TGFBI: variants seen among roughly 807,000 people sequenced by gnomAD.
The protein encoded by TGFBI is transforming growth factor-beta-induced protein ig-h3.
TGFBI carries 50 observed loss-of-function variants against 73.7 expected under a neutral mutation model. The observed-to-expected ratio is 0.68, with a 90% CI of 0.54 to 0.86. The LOEUF (loss-of-function observed/expected upper bound fraction) is 0.86, where lower values mean the gene tolerates loss of function less well. Among genes scored for constraint, TGFBI ranks in the 40% least tolerant of loss-of-function variants. TGFBI has a pLI of 0.00. For missense variants in TGFBI, 839 were observed against 877.0 expected (o/e 0.96, Z 0.55); for synonymous variants, 362 against 360.5 (o/e 1.00, Z -0.05).
chr5:136,063,164 G>A (rs369133692), intron 16 of TGFBI, 22 bp from the exon 17 acceptor site: 42 of 1,611,938 alleles, frequency 2.6e-5, no homozygotes, highest in African/African-American at 1.7e-4. Context: ...CCTATTTGAC[G>A]TTACCAACTT....
chr5:136,029,188 G>C lies in TGFBI; in HGVS notation c.133G>C (p.Gly45Arg). 2 of 1,492,792 alleles carry C rather than the reference G, an allele frequency of 1.3e-6. No individual in the cohort carries two copies. The highest frequency in any genetic ancestry group is 1.8e-6 in the Non-Finnish European group (2 of 1,126,324). 92.5% of individuals were successfully genotyped at this position (1,492,792 alleles called of 1,614,324 possible). Residue 45 changes from glycine to arginine, a missense_variant and splice_region_variant, in exon 1 of 17, where the codon GGC becomes CGC. Physicochemically the swap from Gly to Arg is moderately radical, Grantham distance 125. Transcript: ENST00000442011. ...CAGCAGGCTCCGGGGCCGCCAGCAC[G>C]GGTAAGCCGAGCCGCCTGGCCAGGG... ...QHSRLRGRQHGPNVCAVQKVI... is the reference protein window; with the variant it reads ...QHSRLRGRQHRPNVCAVQKVI...
At chr5:136,029,334 C>T (rs776226978) in intron 1 of TGFBI, 145 bp downstream of exon 1, 18 of 958,736 alleles carry the variant, frequency 1.9e-5, no homozygotes, top group Non-Finnish European at 5.7e-6. Flanking sequence ...GCTCGGACAC[C>T]AGCCCTGCAC....
chr5:136,061,549 G>GATCTTCAAAC lies in TGFBI; in HGVS notation c.1958_1967dup (p.Gln656HisfsTer34). The GATCTTCAAAC allele has an allele frequency of 1.2e-6, 2 of 1,613,174 alleles. No homozygotes were observed. Among genetic ancestry groups the GATCTTCAAAC allele is most frequent in the South Asian group, 2.2e-5 (2 of 90,712 alleles). On this transcript the variant is annotated frameshift_variant, in exon 15 of 17. Transcript: ENST00000442011. LOFTEE classifies it high-confidence loss of function. ...ATGAACTTGCAGACTCTGCGCTTGAGATCTTCAAACAAGCATCAGCGTTTT... is the reference window on the plus strand; with the variant it reads ...ATGAACTTGCAGACTCTGCGCTTGAGATCTTCAAACATCTTCAAACAAGCATCAGCGTTTT...
chr5:136,046,232 C>G, intron 3 of TGFBI, 103 bp from the exon 4 acceptor site: 1 of 1,410,864 alleles, frequency 7.1e-7, no homozygotes, highest in Non-Finnish European at 9.7e-7. Flanking sequence ...GCCTCCTCGT[C>G]CTCTCCACCT....
chr5:136,049,252 A>G (rs1580716103), intron 6 of TGFBI, 187 bp from the exon 7 acceptor site: 2 of 634,952 alleles, frequency 3.1e-6, no homozygotes, highest in Non-Finnish European at 5.2e-6. Flanking sequence ...GGCTGGCTGG[A>G]GCTCAGGCCC....
At chr5:136,052,197 G>A (rs1053202938) in intron 7 of TGFBI, among the ~76,000 whole-genome samples, 4 of 152,224 alleles carry the variant, frequency 2.6e-5, no homozygotes, top group Non-Finnish European at 5.9e-5. Flanking sequence ...CCTCAGCCCT[G>A]CCCTGCCCCC....
rs769820632 is a variant in TGFBI at position 136,053,042 on chromosome 5, C to T, written c.1049C>T (p.Ala350Val). ...SGDMLTINGKAIISNKDILAT... is the reference protein window; with the variant it reads ...SGDMLTINGKVIISNKDILAT... Reference sequence around the variant, plus strand: ...GACATGCTCACTATCAACGGGAAGGCGATCATCTCCAATAAAGACATCCTA... The same window carrying T: ...GACATGCTCACTATCAACGGGAAGGTGATCATCTCCAATAAAGACATCCTA... Residue 350 changes from alanine (A) to valine (V), a missense_variant, in exon 8 of 17, where the codon GCG becomes GTG. By Grantham distance (64) the Ala-to-Val change is moderately conservative (BLOSUM62 0). Coordinates refer to ENST00000442011, the MANE Select transcript of TGFBI (RefSeq NM_000358.3). 4.5e-5 allele frequency: 72 copies of T among 1,613,930 alleles called. No individual in the cohort carries two copies. The highest frequency in any genetic ancestry group is 1.6e-4 in the Middle Eastern group (1 of 6,084).
At chr5:136,061,719 C>T in intron 15 of TGFBI, 140 bp downstream of exon 15, 1 of 724,062 alleles carries the variant, frequency 1.4e-6, no homozygotes. Flanking sequence ...CCCACTGAGG[C>T]ATCCTCAGCC....
chr5:136,050,839 G>C (rs187566032), intron 7 of TGFBI, among the ~76,000 whole-genome samples: 1 of 152,202 alleles, frequency 6.6e-6, no homozygotes, highest in Non-Finnish European at 1.5e-5. Context: ...GATTTGTTCC[G>C]TGTCCAGGTG....
chr5:136,029,381 T>C (rs936374001), intron 1 of TGFBI, among the ~76,000 whole-genome samples, 192 bp downstream of exon 1: 4 of 152,032 alleles, frequency 2.6e-5, no homozygotes, highest in South Asian at 4.2e-4. Context: ...TGGAGGACCA[T>C]GGAGGGAAAG....
chr5:136,060,920 T>C lies in TGFBI; in HGVS notation c.1890T>C (p.Asn630=), dbSNP rs757617851. Residue 630 remains asparagine (N), a synonymous_variant, in exon 14 of 17, where the codon AAT becomes AAC. Coordinates refer to ENST00000442011, the MANE Select transcript of TGFBI (RefSeq NM_000358.3). The part of the protein sequence containing the change: ...ATNGVVHVIT[N]VLQPPANRPQ... ...ATGGCGTGGTCCATGTCATCACCAA[T>C]GTTCTGCAGCCTCCAGGTAAGTGTC... 2.1e-5 allele frequency: 33 copies of C among 1,578,138 alleles called. No homozygotes were observed. In the African/African-American group the frequency reaches 4.3e-4, roughly 21 times the overall value.
chr5:136,046,094 A>C (rs1239529377), intron 3 of TGFBI: 1 of 433,806 alleles, frequency 2.3e-6, no homozygotes, highest in East Asian at 3.7e-5. Context: ...TGCTGTGTTT[A>C]AAATGATTAA....
chr5:136,052,745 C>T (rs1290063307), intron 7 of TGFBI, among the ~76,000 whole-genome samples, 162 bp from the exon 8 acceptor site: 1 of 152,210 alleles, frequency 6.6e-6, no homozygotes, highest in Non-Finnish European at 1.5e-5. Context: ...TCTAGGGCAG[C>T]AGGCAGAAGG....
At chr5:136,043,253 T>G (rs1751370848) in intron 2 of TGFBI, among the ~76,000 whole-genome samples, 2 of 152,208 alleles carry the variant, frequency 1.3e-5, no homozygotes, top group South Asian at 4.1e-4. Context: ...CTTGCAATAT[T>G]ATTTGAAATT....
chr5:136,034,737 T>C (rs1751185619), intron 2 of TGFBI, among the ~76,000 whole-genome samples: 2 of 152,088 alleles, frequency 1.3e-5, no homozygotes, highest in South Asian at 4.1e-4. Flanking sequence ...ACCTAATCTG[T>C]TTTGGCACTG....
chr5:136,046,288 G>T, intron 3 of TGFBI, 47 bp from the exon 4 acceptor site: 1 of 1,610,004 alleles, frequency 6.2e-7, no homozygotes, highest in Non-Finnish European at 8.5e-7. Flanking sequence ...GTGTGGTTGG[G>T]CTGGACCCCC....
At chr5:136,062,729 G>C in intron 16 of TGFBI, 42 bp downstream of exon 16, 1 of 1,556,230 alleles carries the variant, frequency 6.4e-7, no homozygotes, top group South Asian at 1.2e-5. Context: ...GACCTGTTTA[G>C]GCCTTACCCC....
chr5:136,062,771 A>G lies in TGFBI; in HGVS notation c.2011+84A>G, dbSNP rs45458902. 7.3e-4 allele frequency: 1,024 copies of G among 1,408,306 alleles called. 3 individuals carry two copies. The African/African-American group carries it at 0.012, about 16-fold the overall frequency. The allele number at this position is 1,408,306 out of a possible 1,614,324, so 87.2% of individuals were successfully genotyped here. A position where few individuals can be genotyped will look rare whatever the true frequency, so the allele number is the denominator to read the frequency against. ...AGCCCAAGCCTGCCATCTGCTGTAT[A>G]TAGATAAGAACATCATGGTGCAGTA... On this transcript the variant is annotated intron_variant, in intron 16 of 16. Coordinates refer to ENST00000442011, the MANE Select transcript of TGFBI (RefSeq NM_000358.3).
intron 3 of TGFBI, chr5:136,044,847 T>C (rs770757771): frequency 1.3e-5 from 2 of 152,260 alleles, no homozygotes; most frequent in Non-Finnish European, 2.9e-5. Context: ...TATCCTCAGA[T>C]GTTCAAGTCC....
Sources: allele counts gnomAD v4.1 joint callset (sites outside exome capture counted in the v4.1 genomes callset), GRCh38; gene constraint gnomAD v4.1.1; transcripts MANE v1.5; gene names NCBI Gene and HGNC (gene_info 2026-07-23, HGNC 2026-07-21).